PRCP: variants seen among roughly 807,000 people sequenced by gnomAD.
The protein encoded by PRCP is prolylcarboxypeptidase.
In PRCP, 46 loss-of-function variants were observed where a neutral mutation model predicts 54.2. The ratio of observed to expected loss-of-function variants is 0.85; its 90% confidence interval spans 0.67 to 1.09. The LOEUF is 1.09. Among genes scored for constraint, PRCP ranks in the 50% least tolerant of loss-of-function variants. The pLI is 0.00. For synonymous variants in PRCP, 240 were observed against 212.2 expected, an observed-to-expected ratio of 1.13 and a Z score of -1.14; for missense variants, 613 against 596.8, an observed-to-expected ratio of 1.03 and a Z score of -0.28.
chr11:82,883,510 T>C (rs1484450935), intron 1 of PRCP, among the ~76,000 whole-genome samples: 1 of 152,172 alleles, frequency 6.6e-6, no homozygotes, highest in East Asian at 1.9e-4. Flanking sequence ...TTCTGGCAGA[T>C]TTATTTCTCT....
intron 8 of PRCP, chr11:82,835,588 G>T: frequency 3.1e-6 from 1 of 320,286 alleles, no homozygotes; most frequent in Non-Finnish European, 6.0e-6. Flanking sequence ...GATGAGGAAG[G>T]GGATACACAA....
At chr11:82,900,095 T>C (rs1029325862) in intron 1 of PRCP, 140 bp downstream of exon 1, 3 of 1,108,626 alleles carry the variant, frequency 2.7e-6, no homozygotes, top group African/African-American at 3.2e-5. Flanking sequence ...GACCACCTTC[T>C]GGAAGATGTT....
At chr11:82,895,980 A>G (rs958070476) in intron 1 of PRCP, among the ~76,000 whole-genome samples, 1 of 152,234 alleles carries the variant, frequency 6.6e-6, no homozygotes, top group Admixed American at 6.5e-5. Flanking sequence ...GCCAACACAC[A>G]GACTTGTAAC....
intron 1 of PRCP, among the ~76,000 whole-genome samples, chr11:82,878,709 C>T (rs1211299768): frequency 6.6e-6 from 1 of 152,198 alleles, no homozygotes; most frequent in Non-Finnish European, 1.5e-5. Flanking sequence ...TTAGTGCTTC[C>T]TTCAGGAACG....
intron 3 of PRCP, 88 bp from the exon 4 acceptor site, chr11:82,850,593 A>AC: frequency 9.3e-7 from 1 of 1,072,112 alleles, no homozygotes; most frequent in Non-Finnish European, 1.2e-6. Context: ...AGCCAGTGTC[A>AC]GATAAGCTTT....
chr11:82,878,137 C>A (rs1367512583), intron 1 of PRCP, among the ~76,000 whole-genome samples: 1 of 152,176 alleles, frequency 6.6e-6, no homozygotes, highest in Non-Finnish European at 1.5e-5. Context: ...TTTGGCCAAT[C>A]TCTCCCATTT....
intron 6 of PRCP, among the ~76,000 whole-genome samples, chr11:82,847,098 T>C (rs372370882): frequency 6.6e-6 from 1 of 152,260 alleles, no homozygotes; most frequent in East Asian, 1.9e-4. Context: ...CCTAAAAATA[T>C]AGCCCTTTGA....
intron 1 of PRCP, among the ~76,000 whole-genome samples, chr11:82,862,769 T>C (rs186659176): frequency 1.3e-5 from 2 of 152,346 alleles, no homozygotes; most frequent in East Asian, 3.9e-4. Flanking sequence ...AGGTATGTAA[T>C]AATGATGTCC....
chr11:82,825,180 G>A (rs1254710259), intron 8 of PRCP, 58 bp from the exon 9 acceptor site: 7 of 1,463,282 alleles, frequency 4.8e-6, no homozygotes, highest in Non-Finnish European at 6.5e-6. Flanking sequence ...TTAACACTCA[G>A]ATAAGCTAGA....
chr11:82,831,423 T>C (rs1337013071), intron 8 of PRCP: 2 of 152,268 alleles, frequency 1.3e-5, no homozygotes, highest in Non-Finnish European at 2.9e-5. Flanking sequence ...AAAATCTCTG[T>C]TGCTTACTTC....
rs1033864091 is a variant in PRCP at position 82,846,503 on chromosome 11, A to C, written c.921+2546T>G. Among the ~76,000 whole-genome samples, 4 of 152,260 alleles carry C rather than the reference A, an allele frequency of 2.6e-5. No individual in the cohort carries two copies. In the South Asian group the frequency reaches 8.3e-4, roughly 32 times the overall value. ...TGGAAACAGAATCATAAATACCAGCAATCAAGAATTCCTTGATCTGTCAAA... is the reference window on the plus strand; with the variant it reads ...TGGAAACAGAATCATAAATACCAGCCATCAAGAATTCCTTGATCTGTCAAA... On this transcript the variant is annotated intron_variant, in intron 6 of 8. Transcript: ENST00000313010.
chr11:82,841,035 G>T (rs946053290), intron 6 of PRCP, among the ~76,000 whole-genome samples: 1 of 76,238 alleles, frequency 1.3e-5, no homozygotes, highest in South Asian at 3.7e-4. Flanking sequence ...CATTTCATAC[G>T]GAAAAGATTA....
chr11:82,830,627 C>CAAAAAAAAAAAAAAAA (rs35851740), intron 8 of PRCP: 1 of 18,644 alleles, frequency 5.4e-5, no homozygotes, highest in African/African-American at 2.0e-4. Context: ...GACTCCATCT[C>CAAAAAAAAAAAAAAAA]AAAAAAAAAA....
chr11:82,863,002 T>G (rs140252042), intron 1 of PRCP, among the ~76,000 whole-genome samples: 139 of 152,324 alleles, frequency 9.1e-4, no homozygotes, highest in African/African-American at 3.2e-3. Flanking sequence ...GGAAGACGGA[T>G]AAGTGATTCC....
At chr11:82,866,744 C>T (rs1405916882) in intron 1 of PRCP, among the ~76,000 whole-genome samples, 1 of 151,542 alleles carries the variant, frequency 6.6e-6, no homozygotes, top group East Asian at 1.9e-4. Flanking sequence ...TTTTTTGAGC[C>T]GGAGTCTTGC....
intron 1 of PRCP, 74 bp downstream of exon 1, chr11:82,900,161 C>G (rs1388674744): frequency 6.5e-7 from 1 of 1,546,382 alleles, no homozygotes; most frequent in Non-Finnish European, 8.8e-7. Flanking sequence ...GAGGTAGGCT[C>G]CGTTGCCCGG....
intron 1 of PRCP, among the ~76,000 whole-genome samples, chr11:82,878,542 G>C (rs1305164715): frequency 6.6e-6 from 1 of 152,180 alleles, no homozygotes; most frequent in African/African-American, 2.4e-5. Flanking sequence ...GATCTGATGG[G>C]TTTATCAGGG....
chr11:82,879,005 T>C (rs878863316), intron 1 of PRCP, among the ~76,000 whole-genome samples: 5 of 152,220 alleles, frequency 3.3e-5, no homozygotes, highest in East Asian at 1.9e-4. Context: ...CTGACAATTA[T>C]GTGTCTTGGA....
intron 6 of PRCP, 28 bp downstream of exon 6, chr11:82,849,021 A>T (rs754558246): frequency 1.4e-4 from 218 of 1,596,372 alleles, no homozygotes; most frequent in Non-Finnish European, 1.8e-4. Context: ...TGTTATTAAA[A>T]AATGATGACA....
Sources: gnomAD v4.1 joint callset for allele counts (sites outside exome capture counted in the v4.1 genomes callset) on GRCh38, gnomAD v4.1.1 for gene constraint, MANE v1.5 for transcripts, NCBI Gene and HGNC (gene_info 2026-07-23, HGNC 2026-07-21) for gene names.